RANBP2: variants seen among roughly 807,000 people sequenced by gnomAD.
RANBP2 encodes RAN binding protein 2.
Under a neutral mutation model 303.6 loss-of-function variants are expected in RANBP2, and 57 were observed. The ratio of observed to expected loss-of-function variants is 0.19; its 90% CI spans 0.15 to 0.23. The LOEUF (loss-of-function observed/expected upper bound fraction) is 0.23. RANBP2 is among the 10% of genes least tolerant of loss of function. The pLI is 1.00. For synonymous variants in RANBP2, 1,167 were observed against 1,301.5 expected, an observed-to-expected ratio of 0.90 and a Z score of 2.23; for missense variants, 3,138 against 3,780.8, an observed-to-expected ratio of 0.83 and a Z score of 4.46.
chr2:109,585,193 T>A, the RANBP2 span: 2 of 1,612,232 alleles, frequency 1.2e-6, no homozygotes, highest in Non-Finnish European at 1.7e-6. Context: ...AATTGAACAT[T>A]ACTTTCCTGG....
the RANBP2 span, among the ~76,000 whole-genome samples, chr2:109,590,631 G>A: frequency 4.6e-5 from 7 of 152,054 alleles, no homozygotes; most frequent in South Asian, 6.2e-4. Flanking sequence ...AAGGTTTCAC[G>A]TCGGTCAGGC....
chr2:109,726,987 T>G, the RANBP2 span, among the ~76,000 whole-genome samples: 1 of 152,170 alleles, frequency 6.6e-6, no homozygotes, highest in East Asian at 1.9e-4. Flanking sequence ...GAATGAGAAC[T>G]GGCTAGATGG....
chr2:109,233,939 A>G, the RANBP2 span, among the ~76,000 whole-genome samples: 1 of 152,226 alleles, frequency 6.6e-6, no homozygotes, highest in African/African-American at 2.4e-5. Context: ...CACAGTTTGC[A>G]TATCCATTTA....
At chr2:109,172,232 C>A in the RANBP2 span, among the ~76,000 whole-genome samples, 1 of 152,222 alleles carries the variant, frequency 6.6e-6, no homozygotes, top group Non-Finnish European at 1.5e-5. Context: ...CTGAGCACAG[C>A]GTCTGAAGTA....
chr2:109,269,479 T>C, the RANBP2 span, among the ~76,000 whole-genome samples: 3 of 152,138 alleles, frequency 2.0e-5, no homozygotes, highest in African/African-American at 7.2e-5. Flanking sequence ...CACCAGGTAG[T>C]GCTTAAAAGA....
chr2:109,176,177 C>T, the RANBP2 span, among the ~76,000 whole-genome samples: 30 of 152,142 alleles, frequency 2.0e-4, no homozygotes, highest in Non-Finnish European at 2.2e-4. Flanking sequence ...TAATAACCAA[C>T]ATACAACCAG....
chr2:109,070,129 G>A, the RANBP2 span, among the ~76,000 whole-genome samples: 173 of 152,296 alleles, frequency 1.1e-3, no homozygotes, highest in Non-Finnish European at 1.6e-3. Flanking sequence ...GTGTGAGGCA[G>A]GCATGAGTTT....
the RANBP2 span, chr2:109,613,214 A>G: frequency 1.6e-6 from 2 of 1,282,250 alleles, no homozygotes; most frequent in Middle Eastern, 2.1e-4. Context: ...AAGCGAGATA[A>G]ATCTACAAAA....
the RANBP2 span, among the ~76,000 whole-genome samples, chr2:109,640,097 A>ATT: frequency 1.4e-5 from 2 of 146,094 alleles, no homozygotes; most frequent in South Asian, 4.3e-4. Flanking sequence ...TCTGCCTTCT[A>ATT]TTTTTTTTTT....
chr2:109,182,452 T>C, the RANBP2 span, among the ~76,000 whole-genome samples: 1 of 152,186 alleles, frequency 6.6e-6, no homozygotes, highest in Non-Finnish European at 1.5e-5. Flanking sequence ...ACATAAACTT[T>C]GGGGGACACA....
At chr2:109,300,758 A>C in the RANBP2 span, among the ~76,000 whole-genome samples, 1 of 152,216 alleles carries the variant, frequency 6.6e-6, no homozygotes, top group Non-Finnish European at 1.5e-5. Context: ...AGCAGACTTC[A>C]TGTGGGTTGG....
chr2:109,027,203 A>T, the RANBP2 span, among the ~76,000 whole-genome samples: 1 of 144,876 alleles, frequency 6.9e-6, no homozygotes, highest in Non-Finnish European at 1.5e-5. Context: ...GATTTGCACC[A>T]CTGCACTCCA....
chr2:108,725,752 A>G (rs1391874339), intron 1 of RANBP2, among the ~76,000 whole-genome samples: 3 of 150,732 alleles, frequency 2.0e-5, no homozygotes, highest in Non-Finnish European at 4.4e-5. Flanking sequence ...GAAGGGGGGA[A>G]CAAGCCTTGT....
At chr2:109,201,098 CT>C in the RANBP2 span, among the ~76,000 whole-genome samples, 10 of 152,376 alleles carry the variant, frequency 6.6e-5, no homozygotes, top group East Asian at 1.2e-3. Context: ...GTTCTCTCCC[CT>C]GTCCCTCAGC....
the RANBP2 span, among the ~76,000 whole-genome samples, chr2:109,657,160 G>A: frequency 1.3e-5 from 2 of 152,060 alleles, no homozygotes; most frequent in African/African-American, 4.8e-5. Context: ...GCTCTGTGGG[G>A]GACAGGCCAA....
chr2:109,650,841 C>A, the RANBP2 span, among the ~76,000 whole-genome samples: 1 of 152,164 alleles, frequency 6.6e-6, no homozygotes, highest in African/African-American at 2.4e-5. Context: ...CAATAAACCT[C>A]TTTTTCTTTA....
At chr2:108,951,115 G>A in the RANBP2 span, among the ~76,000 whole-genome samples, 1 of 152,336 alleles carries the variant, frequency 6.6e-6, no homozygotes, top group East Asian at 1.9e-4. Context: ...TGCCCTGGGA[G>A]TTTCTCAGCA....
the RANBP2 span, among the ~76,000 whole-genome samples, chr2:109,644,711 C>T: frequency 5.9e-5 from 9 of 152,178 alleles, no homozygotes; most frequent in Non-Finnish European, 1.5e-5. Context: ...GCAAGGCTGC[C>T]TGGATGAGGC....
chr2:108,767,415 C>T lies in RANBP2; in HGVS notation c.6876C>T (p.Gly2292=), dbSNP rs755189433. ...AKLNQSGTSV[G]TDEESDVTQE... ...TGAATCAGAGTGGGACTTCAGTTGGCACTGATGAAGAATCTGATGTTACTC... is the reference window on the plus strand; with the variant it reads ...TGAATCAGAGTGGGACTTCAGTTGGTACTGATGAAGAATCTGATGTTACTC... The change falls in exon 20 of 29, where the codon GGC becomes GGT. Residue 2292 remains glycine, a synonymous_variant. Coordinates refer to ENST00000283195, the MANE Select transcript of RANBP2 (RefSeq NM_006267.5). The T allele has an allele frequency of 6.2e-7, 1 of 1,611,912 alleles. No homozygotes were observed. The highest frequency in any genetic ancestry group is 8.5e-7 in the Non-Finnish European group (1 of 1,179,842).
Sources: gnomAD v4.1 joint callset for allele counts (sites outside exome capture counted in the v4.1 genomes callset) on GRCh38, gnomAD v4.1.1 for gene constraint, MANE v1.5 for transcripts, NCBI Gene and HGNC (gene_info 2026-07-23, HGNC 2026-07-21) for gene names.